The following MAGI2 variants were observed in gnomAD, a reference collection of about 807,000 sequenced individuals.
MAGI2 encodes membrane-associated guanylate kinase, WW and PDZ domain-containing protein 2.
Under a neutral mutation model 133.3 loss-of-function variants are expected in MAGI2, and 35 were observed. The ratio of observed to expected loss-of-function variants is 0.26; its 90% CI spans 0.20 to 0.35. The LOEUF is 0.35. MAGI2 is among the 10% of genes least tolerant of loss of function. MAGI2 has a pLI of 1.00. For synonymous variants in MAGI2, 729 were observed against 710.6 expected (o/e 1.03, Z -0.41); for missense variants, 1,636 against 1,863.4 (o/e 0.88, Z 2.25).
chr7:78,036,469 A>G (rs16888040), intron 21 of MAGI2, among the ~76,000 whole-genome samples: 7,741 of 152,244 alleles, frequency 0.051, 429 homozygotes, highest in East Asian at 0.15. Context: ...TTCATACTCA[A>G]TGCTGTGCAT....
At chr7:79,099,547 G>A (rs528448618) in intron 1 of MAGI2, among the ~76,000 whole-genome samples, 1 of 152,014 alleles carries the variant, frequency 6.6e-6, no homozygotes, top group Non-Finnish European at 1.5e-5. Flanking sequence ...TTGTCATAAG[G>A]GATGGATGTA....
intron 3 of MAGI2, among the ~76,000 whole-genome samples, chr7:78,579,511 C>A (rs2150804381): frequency 6.6e-6 from 1 of 152,210 alleles, no homozygotes; most frequent in African/African-American, 2.4e-5. Context: ...AAAGATTAAC[C>A]ACTGAAGACA....
chr7:78,465,166 A>G (rs950551174), intron 6 of MAGI2, among the ~76,000 whole-genome samples: 1 of 152,186 alleles, frequency 6.6e-6, no homozygotes, highest in Non-Finnish European at 1.5e-5. Flanking sequence ...AATTCAGTGA[A>G]TCTGGGCTTC....
At chr7:78,745,286 T>G (rs577549147) in intron 2 of MAGI2, among the ~76,000 whole-genome samples, 7 of 152,284 alleles carry the variant, frequency 4.6e-5, no homozygotes, top group African/African-American at 1.2e-4. Context: ...GAGCTCAGAT[T>G]TGAACCTCTG....
At chr7:79,204,230 G>T (rs1026980634) in intron 1 of MAGI2, among the ~76,000 whole-genome samples, 9 of 152,098 alleles carry the variant, frequency 5.9e-5, no homozygotes, top group Admixed American at 5.9e-4. Flanking sequence ...CTACCCTGGT[G>T]TCAGGAAGGA....
At chr7:79,082,228 T>A (rs1816103883) in intron 1 of MAGI2, among the ~76,000 whole-genome samples, 1 of 152,064 alleles carries the variant, frequency 6.6e-6, no homozygotes, top group African/African-American at 2.4e-5. Context: ...TTTGATGAAA[T>A]CATGTATATC....
chr7:78,931,662 G>A (rs1800132650), intron 2 of MAGI2, among the ~76,000 whole-genome samples: 1 of 151,980 alleles, frequency 6.6e-6, no homozygotes, highest in Admixed American at 6.6e-5. Flanking sequence ...CCAATAATTT[G>A]GATTCTCAAC....
intron 20 of MAGI2, among the ~76,000 whole-genome samples, chr7:78,084,058 C>CAA (rs1035193727): frequency 2.6e-5 from 4 of 152,178 alleles, no homozygotes; most frequent in Non-Finnish European, 4.4e-5. Context: ...AACGTGCTTA[C>CAA]CTGGTTGTAA....
At chr7:78,212,412 G>C (rs1787856881) in intron 10 of MAGI2, among the ~76,000 whole-genome samples, 1 of 152,206 alleles carries the variant, frequency 6.6e-6, no homozygotes, top group Non-Finnish European at 1.5e-5. Flanking sequence ...GCTGCAGCTA[G>C]AGAGAGATGG....
chr7:78,657,039 C>A (rs1031615607), intron 2 of MAGI2, among the ~76,000 whole-genome samples: 17 of 147,240 alleles, frequency 1.2e-4, no homozygotes, highest in African/African-American at 2.2e-4. Context: ...GATACCTCTT[C>A]AAGAAGATAC....
intron 16 of MAGI2, among the ~76,000 whole-genome samples, chr7:78,142,836 T>C (rs2051031131): frequency 6.6e-6 from 1 of 152,130 alleles, no homozygotes; most frequent in African/African-American, 2.4e-5. Flanking sequence ...TGAAAAAACA[T>C]TTCCATTTGT....
chr7:78,334,839 A>G (rs921062303), intron 9 of MAGI2, among the ~76,000 whole-genome samples: 4 of 152,174 alleles, frequency 2.6e-5, no homozygotes, highest in Admixed American at 2.0e-4. Flanking sequence ...GCCCCAGAGA[A>G]AGACTGTTAT....
intron 3 of MAGI2, among the ~76,000 whole-genome samples, chr7:78,523,287 T>G (rs1796665975): frequency 6.6e-6 from 1 of 152,096 alleles, no homozygotes; most frequent in African/African-American, 2.4e-5. Flanking sequence ...CCTACTCAAG[T>G]TAAATGTGAT....
At chr7:78,790,190 A>G (rs1379138819) in intron 2 of MAGI2, among the ~76,000 whole-genome samples, 2 of 152,176 alleles carry the variant, frequency 1.3e-5, no homozygotes, top group East Asian at 3.8e-4. Context: ...ATAATATAAA[A>G]TATTATAGTT....
At chr7:78,932,601 T>C (rs1160320119) in intron 2 of MAGI2, among the ~76,000 whole-genome samples, 2 of 151,870 alleles carry the variant, frequency 1.3e-5, no homozygotes, top group East Asian at 3.9e-4. Context: ...CACATGCCAC[T>C]TAATGGCATG....
At chr7:78,162,537 C>A (rs1985847) in intron 15 of MAGI2, among the ~76,000 whole-genome samples, 104,987 of 134,966 alleles carry the variant, frequency 0.78, 39,652 homozygotes, top group African/African-American at 0.86. Flanking sequence ...AAAAAAAAAA[C>A]AAAAAACAAA....
In MAGI2 at chr7:78,550,212, T is replaced by C. The variant is rs2627535; in HGVS notation, c.539-28567A>G. Among the ~76,000 whole-genome samples the C allele has an allele frequency of 9.1e-3, 1,385 of 152,324 alleles. 5 individuals are homozygous for C. The highest frequency in any genetic ancestry group is 0.015 in the Non-Finnish European group (1,007 of 68,030). ...CCACTCAGTTTACAGTATTTTGTTA[T>C]AGCAGCCTGAATGGACTAAGGTAAT... On this transcript the variant is annotated intron_variant, in intron 3 of 21. Transcript: ENST00000354212.
At chr7:78,515,153 A>G (rs1300234341) in intron 4 of MAGI2, among the ~76,000 whole-genome samples, 1 of 152,238 alleles carries the variant, frequency 6.6e-6, no homozygotes, top group Non-Finnish European at 1.5e-5. Flanking sequence ...CAGGTAACTC[A>G]TGAAATAAAA....
chr7:79,010,640 C>T (rs1178609664), intron 1 of MAGI2, among the ~76,000 whole-genome samples: 1 of 152,016 alleles, frequency 6.6e-6, no homozygotes, highest in Non-Finnish European at 1.5e-5. Flanking sequence ...ACACATCAAT[C>T]GTTTTGTTGA....
Sources: gnomAD v4.1 joint callset for allele counts (sites outside exome capture counted in the v4.1 genomes callset) on GRCh38, gnomAD v4.1.1 for gene constraint, MANE v1.5 for transcripts, NCBI Gene and HGNC (gene_info 2026-07-23, HGNC 2026-07-21) for gene names.